NDST3: variants seen among roughly 807,000 people sequenced by gnomAD.
NDST3 encodes bifunctional heparan sulfate N-deacetylase/N-sulfotransferase 3.
Under a neutral mutation model 96.1 loss-of-function variants are expected in NDST3, and 58 were observed. The observed-to-expected ratio is 0.60, with a 90% confidence interval of 0.49 to 0.75. The LOEUF is 0.75. Ranked by LOEUF, NDST3 falls within the 30% of genes least tolerant of loss-of-function variation. NDST3 has a pLI of 0.00. For synonymous variants in NDST3, 333 were observed against 359.7 expected (o/e 0.93, Z 0.84); for missense variants, 788 against 1,034.2 (o/e 0.76, Z 3.27).
At chr4:118,121,300 G>A (rs1220460943) in intron 4 of NDST3, among the ~76,000 whole-genome samples, 1 of 152,078 alleles carries the variant, frequency 6.6e-6, no homozygotes, top group East Asian at 1.9e-4. Flanking sequence ...TATATTTCTA[G>A]CAATTGTTTC....
chr4:118,152,472 G>T (rs1429769212), intron 6 of NDST3, among the ~76,000 whole-genome samples: 1 of 152,128 alleles, frequency 6.6e-6, no homozygotes, highest in Non-Finnish European at 1.5e-5. Flanking sequence ...CTTATGAATT[G>T]TTTATTATTG....
intron 6 of NDST3, among the ~76,000 whole-genome samples, chr4:118,148,759 T>C (rs184344822): frequency 1.0e-3 from 156 of 152,322 alleles, no homozygotes; most frequent in African/African-American, 3.5e-3. Flanking sequence ...AAATAATACA[T>C]TGACCTAATG....
intron 6 of NDST3, among the ~76,000 whole-genome samples, chr4:118,205,412 A>G (rs1267128079): frequency 6.9e-6 from 1 of 144,822 alleles, no homozygotes; most frequent in Non-Finnish European, 1.5e-5. Flanking sequence ...TATATACAGT[A>G]AACCTTTCCC....
intron 6 of NDST3, among the ~76,000 whole-genome samples, chr4:118,185,156 C>G (rs938350356): frequency 6.6e-6 from 1 of 151,856 alleles, no homozygotes. Flanking sequence ...GGTACATATG[C>G]TACTGTACAT....
chr4:118,070,805 A>G (rs1330241669), intron 2 of NDST3, among the ~76,000 whole-genome samples: 2 of 150,892 alleles, frequency 1.3e-5, no homozygotes, highest in South Asian at 4.2e-4. Context: ...CACTCCCCCC[A>G]CCTCATGACA....
intron 6 of NDST3, chr4:118,193,353 A>G (rs1443106478): frequency 6.2e-6 from 3 of 485,960 alleles, no homozygotes; most frequent in Non-Finnish European, 1.1e-5. Context: ...AACAGGGCAG[A>G]GTAGGGAGAC....
chr4:118,093,927 A>C (rs1729087567), intron 2 of NDST3, among the ~76,000 whole-genome samples: 2 of 151,864 alleles, frequency 1.3e-5, no homozygotes, highest in East Asian at 3.9e-4. Context: ...CCAAAATGGA[A>C]CCTTGTTGCT....
chr4:118,215,841 C>T (rs1256675682), intron 6 of NDST3, among the ~76,000 whole-genome samples: 1 of 151,990 alleles, frequency 6.6e-6, no homozygotes. Context: ...GCCTGATGAC[C>T]AGCACTCCCT....
intron 6 of NDST3, among the ~76,000 whole-genome samples, chr4:118,186,895 G>T (rs867121982): frequency 2.0e-5 from 3 of 152,266 alleles, no homozygotes; most frequent in Middle Eastern, 3.4e-3. Context: ...TGTCATTACA[G>T]TTCAGGAGAG....
chr4:118,057,342 G>A (rs1002723264), intron 2 of NDST3, among the ~76,000 whole-genome samples: 1 of 152,016 alleles, frequency 6.6e-6, no homozygotes, highest in Non-Finnish European at 1.5e-5. Context: ...GTGGGATGCA[G>A]AGCATTTCAC....
chr4:118,068,931 T>C (rs1056974488), intron 2 of NDST3, among the ~76,000 whole-genome samples: 1 of 152,130 alleles, frequency 6.6e-6, no homozygotes, highest in African/African-American at 2.4e-5. Context: ...GACAGTGTGA[T>C]AATATTTTGG....
intron 6 of NDST3, among the ~76,000 whole-genome samples, chr4:118,195,322 T>C (rs1284883345): frequency 6.6e-6 from 1 of 152,156 alleles, no homozygotes; most frequent in African/African-American, 2.4e-5. Flanking sequence ...GTGGAGATAA[T>C]TGTATAATGG....
Position 118,053,973 on chromosome 4 carries a change from T to C in NDST3, c.63T>C (p.Phe21=), listed in dbSNP as rs1200441712. 6.2e-7 allele frequency: 1 copy of C among 1,612,148 alleles called. No individual in the cohort carries two copies. The highest frequency in any genetic ancestry group is 8.5e-7 in the Non-Finnish European group (1 of 1,178,896). The stretch of plus-strand genomic sequence containing the variant: ...GAACAGTCATTCTGCTTGCCACTTT[T>C]TGTATGGTGAGCATTATCATTTCTG... The part of the protein sequence containing the change: ...FQRTVILLAT[F]CMVSIIISAY... Residue 21 remains phenylalanine (F), a synonymous_variant, in exon 2 of 14, where the codon TTT becomes TTC. Coordinates refer to ENST00000296499, the MANE Select transcript of NDST3 (RefSeq NM_004784.3).
intron 6 of NDST3, chr4:118,193,835 G>A: frequency 7.4e-7 from 1 of 1,358,370 alleles, no homozygotes; most frequent in Non-Finnish European, 1.0e-6. Flanking sequence ...CAGTTGAAGG[G>A]CCTGTGCCTT....
At chr4:118,058,940 T>G (rs765971759) in intron 2 of NDST3, among the ~76,000 whole-genome samples, 1 of 152,046 alleles carries the variant, frequency 6.6e-6, no homozygotes, top group Admixed American at 6.6e-5. Flanking sequence ...TCATATAACA[T>G]TTATCTCCCA....
Position 118,049,842 on chromosome 4 carries a change from C to T in NDST3, c.-155-3914C>T, listed in dbSNP as rs140144980. 8.1e-3 allele frequency among the ~76,000 whole-genome samples: 1,233 copies of T among 152,004 alleles called. 8 individuals carry two copies. The highest frequency in any genetic ancestry group is 0.013 in the Non-Finnish European group (888 of 67,958). On this transcript the variant is annotated intron_variant, in intron 1 of 13. Coordinates refer to ENST00000296499, the MANE Select transcript of NDST3 (RefSeq NM_004784.3). ...TGGTACCAATCCTACTGAAATTATT[C>T]CAAAAAATTGAGGAGAAGGGGCTTC...
At chr4:118,109,200 C>G (rs1730444173) in intron 3 of NDST3, among the ~76,000 whole-genome samples, 1 of 152,102 alleles carries the variant, frequency 6.6e-6, no homozygotes, top group African/African-American at 2.4e-5. Context: ...GATATCCTAA[C>G]TTCAGGATGA....
intron 6 of NDST3, among the ~76,000 whole-genome samples, chr4:118,190,133 T>C (rs1314656849): frequency 6.6e-6 from 1 of 152,038 alleles, no homozygotes; most frequent in Non-Finnish European, 1.5e-5. Context: ...TATCTAGTAG[T>C]AGTAATATAA....
At chr4:118,091,802 G>A (rs966277483) in intron 2 of NDST3, among the ~76,000 whole-genome samples, 1 of 151,668 alleles carries the variant, frequency 6.6e-6, no homozygotes, top group East Asian at 1.9e-4. Flanking sequence ...AAGTATTGTT[G>A]TGTATTTTTT....
Sources: allele counts gnomAD v4.1 joint callset (sites outside exome capture counted in the v4.1 genomes callset), GRCh38; gene constraint gnomAD v4.1.1; transcripts MANE v1.5; gene names NCBI Gene and HGNC (gene_info 2026-07-23, HGNC 2026-07-21).